The following MIPOL1 variants were observed in gnomAD, a reference collection of about 807,000 sequenced individuals.
The protein encoded by MIPOL1 is mirror-image polydactyly gene 1 protein.
MIPOL1 carries 57 observed loss-of-function variants against 60.9 expected under a neutral mutation model. That is an observed-to-expected ratio of 0.94 (90% confidence interval 0.76 to 1.17). MIPOL1 has a LOEUF of 1.17. Ranked by LOEUF, MIPOL1 falls within the 50% of genes most tolerant of loss-of-function variation. The pLI, the probability that MIPOL1 is intolerant of heterozygous loss-of-function variation, is 0.00. For synonymous variants in MIPOL1, 179 were observed against 168.8 expected (o/e 1.06, Z -0.47); for missense variants, 551 against 511.6 (o/e 1.08, Z -0.74).
At chr14:37,248,990 A>ATGGATGGG in intron 3 of MIPOL1, among the ~76,000 whole-genome samples, 1 of 148,524 alleles carries the variant, frequency 6.7e-6, no homozygotes, top group South Asian at 2.1e-4. Context: ...GGATGGATGG[A>ATGGATGGG]TGGATGGATG....
intron 11 of MIPOL1, among the ~76,000 whole-genome samples, chr14:37,485,866 T>G (rs1246682181): frequency 6.6e-6 from 1 of 152,226 alleles, no homozygotes; most frequent in Non-Finnish European, 1.5e-5. Flanking sequence ...TTGGCTTTTG[T>G]TGCCATTGCT....
intron 6 of MIPOL1, among the ~76,000 whole-genome samples, chr14:37,274,498 T>G (rs1232456337): frequency 6.6e-6 from 1 of 151,454 alleles, no homozygotes; most frequent in East Asian, 1.9e-4. Flanking sequence ...AAATATTTAT[T>G]GTGGACTCAT....
chr14:37,284,916 T>C (rs560976144), intron 6 of MIPOL1, among the ~76,000 whole-genome samples: 1 of 152,340 alleles, frequency 6.6e-6, no homozygotes, highest in African/African-American at 2.4e-5. Flanking sequence ...TTTACATATG[T>C]GCATGAATTT....
At chr14:37,373,195 G>T (rs1443737183) in intron 10 of MIPOL1, among the ~76,000 whole-genome samples, 1 of 151,994 alleles carries the variant, frequency 6.6e-6, no homozygotes, top group Non-Finnish European at 1.5e-5. Flanking sequence ...TAGAGACGGG[G>T]TTTTGTCACA....
Position 37,339,007 on chromosome 14 carries a change from G to A in MIPOL1, c.828+30488G>A, listed in dbSNP as rs189776304. On this transcript the variant is annotated intron_variant, in intron 9 of 12. Coordinates refer to ENST00000684589, the MANE Select transcript of MIPOL1 (RefSeq NM_001388067.1). ...TACTTGAACAAAATTAAAAGTGAAA[G>A]CTCATCAAAAGCCAACATTAAGAAA... Among the ~76,000 whole-genome samples, 4 of 152,238 alleles carry A rather than the reference G, an allele frequency of 2.6e-5. No homozygotes were observed. The East Asian group carries it at 7.7e-4, about 29-fold the overall frequency.
At chr14:37,546,588 T>C (rs2153644533) in intron 12 of MIPOL1, among the ~76,000 whole-genome samples, 1 of 152,330 alleles carries the variant, frequency 6.6e-6, no homozygotes, top group South Asian at 2.1e-4. Context: ...GATCCTGTCA[T>C]TGCATAGTAA....
intron 12 of MIPOL1, among the ~76,000 whole-genome samples, chr14:37,534,214 G>A (rs2153637641): frequency 6.6e-6 from 1 of 152,082 alleles, no homozygotes; most frequent in East Asian, 1.9e-4. Flanking sequence ...CCTTTACTTA[G>A]TTATTACTTA....
At chr14:37,292,186 A>G (rs922785161) in intron 7 of MIPOL1, among the ~76,000 whole-genome samples, 1 of 151,996 alleles carries the variant, frequency 6.6e-6, no homozygotes, top group African/African-American at 2.4e-5. Flanking sequence ...TGGCTTCCCA[A>G]AGTGCTGGGA....
At chr14:37,214,684 A>G (rs1188451946) in intron 1 of MIPOL1, among the ~76,000 whole-genome samples, 2 of 152,162 alleles carry the variant, frequency 1.3e-5, no homozygotes, top group Non-Finnish European at 2.9e-5. Context: ...TAAGAGCTGA[A>G]GGGACATGGT....
chr14:37,413,915 A>G (rs945745492), intron 10 of MIPOL1, among the ~76,000 whole-genome samples: 17 of 152,192 alleles, frequency 1.1e-4, no homozygotes, highest in African/African-American at 4.1e-4. Context: ...GTTAAAAACT[A>G]ACCAAACACA....
intron 10 of MIPOL1, among the ~76,000 whole-genome samples, chr14:37,378,802 TA>T (rs1237618175): frequency 6.6e-6 from 1 of 151,980 alleles, no homozygotes; most frequent in Non-Finnish European, 1.5e-5. Flanking sequence ...AGCAGAAAAG[TA>T]GACGGATGTA....
At chr14:37,462,958 A>C (rs544860883) in intron 11 of MIPOL1, among the ~76,000 whole-genome samples, 6 of 152,238 alleles carry the variant, frequency 3.9e-5, no homozygotes, top group South Asian at 4.1e-4. Context: ...CCTTATTCCA[A>C]AGTCACTTCC....
At position 37,268,659 on chromosome 14, in the gene MIPOL1, G is replaced by T. The variant is rs146170567; in HGVS notation, c.253G>T (p.Val85Phe). The T allele has an allele frequency of 3.8e-6, 6 of 1,578,706 alleles. No homozygotes were observed. The South Asian group carries it at 7.1e-5, about 19-fold the overall frequency. ...TGTTAATCAGTTTCTTTATTACAGC[G>T]TTATGGAACATAGACATAATGATAT... Reference protein sequence around the residue: ...SVYCTTEKYNVMEHRHNDMHY... With the variant: ...SVYCTTEKYNFMEHRHNDMHY... Residue 85 changes from valine (V) to phenylalanine (F), a missense_variant and splice_region_variant, in exon 5 of 13, where the codon GTT (valine) becomes TTT (phenylalanine). Coordinates refer to ENST00000684589, the MANE Select transcript of MIPOL1 (RefSeq NM_001388067.1).
At chr14:37,368,473 A>T (rs1470075951) in intron 9 of MIPOL1, among the ~76,000 whole-genome samples, 2 of 152,136 alleles carry the variant, frequency 1.3e-5, no homozygotes, top group Non-Finnish European at 2.9e-5. Context: ...TGATTGTAAC[A>T]TAATAAGTAA....
At chr14:37,479,505 A>G (rs2094829062) in intron 11 of MIPOL1, among the ~76,000 whole-genome samples, 1 of 152,174 alleles carries the variant, frequency 6.6e-6, no homozygotes, top group African/African-American at 2.4e-5. Context: ...TGAAAATTGA[A>G]ACACAACATA....
chr14:37,519,281 AATTTAG>A (rs569764827), intron 12 of MIPOL1, among the ~76,000 whole-genome samples: 5 of 152,110 alleles, frequency 3.3e-5, no homozygotes, highest in Non-Finnish European at 5.9e-5. Flanking sequence ...TTAGAACAAT[AATTTAG>A]GGATTTATTA....
chr14:37,415,119 A>G (rs117128852), intron 10 of MIPOL1, among the ~76,000 whole-genome samples: 1 of 152,168 alleles, frequency 6.6e-6, no homozygotes, highest in Non-Finnish European at 1.5e-5. Flanking sequence ...CTGTAATACT[A>G]CTTTTTTGCC....
At chr14:37,295,027 G>C (rs1191010240) in intron 7 of MIPOL1, among the ~76,000 whole-genome samples, 2 of 152,050 alleles carry the variant, frequency 1.3e-5, no homozygotes, top group Non-Finnish European at 2.9e-5. Context: ...TTGAAATGAA[G>C]GAAAAAATGT....
chr14:37,531,124 A>C (rs1207312118), intron 12 of MIPOL1, among the ~76,000 whole-genome samples: 3 of 152,040 alleles, frequency 2.0e-5, no homozygotes, highest in African/African-American at 7.2e-5. Context: ...AGCCAGAAAG[A>C]ATTATACTAA....
Sources: allele counts gnomAD v4.1 joint callset (sites outside exome capture counted in the v4.1 genomes callset), GRCh38; gene constraint gnomAD v4.1.1; transcripts MANE v1.5; gene names NCBI Gene and HGNC (gene_info 2026-07-23, HGNC 2026-07-21).